The following CNTN3 variants were observed in gnomAD, a reference collection of about 807,000 sequenced individuals.
The protein encoded by CNTN3 is contactin 3, also known as contactin-3.
A neutral mutation model predicts 119.1 loss-of-function variants in CNTN3; 60 were observed. The ratio of observed to expected loss-of-function variants is 0.50; its 90% CI spans 0.41 to 0.62. The LOEUF (loss-of-function observed/expected upper bound fraction) is 0.62, where lower values mean the gene tolerates loss of function less well. Among genes scored for constraint, CNTN3 ranks in the 20% least tolerant of loss-of-function variants. The probability of loss-of-function intolerance (pLI) is 0.00; values close to 1 mark genes in which losing one functional copy is unlikely to be tolerated. For missense variants in CNTN3, 1,101 were observed against 1,242.4 expected, an observed-to-expected ratio of 0.89 and a Z score of 1.71; for synonymous variants, 450 against 438.7, an observed-to-expected ratio of 1.03 and a Z score of -0.32.
At chr3:74,476,161 T>C (rs933282952) in intron 4 of CNTN3, among the ~76,000 whole-genome samples, 2 of 152,124 alleles carry the variant, frequency 1.3e-5, no homozygotes, top group Non-Finnish European at 2.9e-5. Context: ...ATATATAAGG[T>C]GTCTTTAAAG....
intron 5 of CNTN3, among the ~76,000 whole-genome samples, chr3:74,421,565 T>C (rs570339681): frequency 6.6e-6 from 1 of 152,304 alleles, no homozygotes; most frequent in East Asian, 1.9e-4. Flanking sequence ...TGATTGTATC[T>C]TCAGTAATCA....
chr3:74,584,956 T>C (rs954267542), intron 1 of CNTN3, among the ~76,000 whole-genome samples: 6 of 152,252 alleles, frequency 3.9e-5, no homozygotes, highest in Non-Finnish European at 7.4e-5. Context: ...GATTGCAAGA[T>C]GGTTATAGAT....
intron 4 of CNTN3, among the ~76,000 whole-genome samples, chr3:74,465,210 C>G (rs921069790): frequency 6.6e-6 from 1 of 152,142 alleles, no homozygotes; most frequent in Non-Finnish European, 1.5e-5. Flanking sequence ...TGTAAGCTAA[C>G]TTCCAAAATT....
intron 4 of CNTN3, among the ~76,000 whole-genome samples, chr3:74,429,292 T>C (rs1701745761): frequency 6.6e-6 from 1 of 152,036 alleles, no homozygotes; most frequent in African/African-American, 2.4e-5. Context: ...ACATTGAGGC[T>C]TATAATATAG....
intron 1 of CNTN3, among the ~76,000 whole-genome samples, chr3:74,590,607 G>T (rs1362849690): frequency 6.6e-6 from 1 of 152,004 alleles, no homozygotes; most frequent in Non-Finnish European, 1.5e-5. Context: ...GGTCTTTAGA[G>T]GATACAGGCC....
At chr3:74,435,271 C>T (rs1575722164) in intron 4 of CNTN3, among the ~76,000 whole-genome samples, 1 of 152,166 alleles carries the variant, frequency 6.6e-6, no homozygotes, top group South Asian at 2.1e-4. Context: ...CCCTTCCAGG[C>T]TCCAGAGATT....
intron 1 of CNTN3, among the ~76,000 whole-genome samples, chr3:74,532,195 CAG>C (rs1362758208): frequency 4.0e-5 from 6 of 151,816 alleles, no homozygotes; most frequent in African/African-American, 1.5e-4. Flanking sequence ...ACCAGAGAAA[CAG>C]AAAGAATCAG....
At chr3:74,367,827 T>C (rs745988746) in intron 8 of CNTN3, among the ~76,000 whole-genome samples, 6 of 152,050 alleles carry the variant, frequency 3.9e-5, no homozygotes, top group Non-Finnish European at 8.8e-5. Context: ...TACTAAAACA[T>C]TAATACAGTT....
At chr3:74,319,155 G>GA (rs1702915453) in intron 13 of CNTN3, among the ~76,000 whole-genome samples, 1 of 151,996 alleles carries the variant, frequency 6.6e-6, no homozygotes, top group South Asian at 2.1e-4. Context: ...CACAGAATTG[G>GA]AAAAAACTAC....
chr3:74,267,315 C>T lies in CNTN3; in HGVS notation c.2768G>A (p.Trp923Ter). The change falls in exon 21 of 23, where the codon TGG becomes TAG. Residue 923 changes from tryptophan (W) to a stop codon, truncating the protein, a stop_gained. Transcript: ENST00000263665. LOFTEE classifies it high-confidence loss of function. ...ATTCTCCATGGCTTTAACTTGCTCCCAATTAAGTAACACTTTAGTGTCTGT... is the reference window on the plus strand; with the variant it reads ...ATTCTCCATGGCTTTAACTTGCTCCTAATTAAGTAACACTTTAGTGTCTGT... The part of the protein sequence containing the change: ...NATDTKVLLN[W>*]EQVKAMENES... 1 of 1,613,328 alleles carries T rather than the reference C, an allele frequency of 6.2e-7. No individual in the cohort carries two copies. The highest frequency in any genetic ancestry group is 1.1e-5 in the South Asian group (1 of 91,054).
At chr3:74,575,811 A>G (rs1704406221) in intron 1 of CNTN3, among the ~76,000 whole-genome samples, 1 of 151,976 alleles carries the variant, frequency 6.6e-6, no homozygotes. Flanking sequence ...CCAGTGATTT[A>G]CTATGAAGAT....
chr3:74,363,515 G>C (rs987481037), intron 10 of CNTN3, among the ~76,000 whole-genome samples: 1 of 152,096 alleles, frequency 6.6e-6, no homozygotes, highest in African/African-American at 2.4e-5. Flanking sequence ...GTCCCTGGTT[G>C]AGAAACACTG....
At chr3:74,350,036 C>T (rs1017000286) in intron 11 of CNTN3, among the ~76,000 whole-genome samples, 1 of 152,052 alleles carries the variant, frequency 6.6e-6, no homozygotes, top group Non-Finnish European at 1.5e-5. Context: ...ATCCATAAAA[C>T]CAAATTTGAA....
intron 5 of CNTN3, among the ~76,000 whole-genome samples, chr3:74,399,156 T>G (rs1003857804): frequency 3.3e-5 from 5 of 152,160 alleles, no homozygotes; most frequent in Non-Finnish European, 5.9e-5. Flanking sequence ...TAACTTTTAT[T>G]TTAAGTTCAG....
At chr3:74,364,332 G>T in intron 10 of CNTN3, 135 bp downstream of exon 10, 1 of 795,778 alleles carries the variant, frequency 1.3e-6, no homozygotes, top group Non-Finnish European at 1.9e-6. Flanking sequence ...ATTAGAAACT[G>T]AATGATCGTG....
chr3:74,548,728 T>C (rs998669027), intron 1 of CNTN3, among the ~76,000 whole-genome samples: 2 of 152,216 alleles, frequency 1.3e-5, no homozygotes, highest in Admixed American at 6.5e-5. Flanking sequence ...CATTATTCAA[T>C]GACCTGCTGT....
rs1575704438 is a variant in CNTN3 at position 74,295,359 on chromosome 3, C to T, written c.2402-123G>A. On this transcript the variant is annotated intron_variant, in intron 18 of 22. Transcript: ENST00000263665. ...TTGAAAATTGTATGAAATATTCTGGCACCATATGTTGAAAATAGAGACACT... is the reference window on the plus strand; with the variant it reads ...TTGAAAATTGTATGAAATATTCTGGTACCATATGTTGAAAATAGAGACACT... The T allele has an allele frequency of 7.0e-6, 4 of 570,332 alleles. No homozygotes were observed. In the South Asian group the frequency reaches 1.1e-4, roughly 15 times the overall value. 35.3% of individuals were successfully genotyped at this position (570,332 alleles called of 1,614,324 possible).
chr3:74,279,557 G>A (rs774289175), intron 20 of CNTN3, among the ~76,000 whole-genome samples: 57 of 151,860 alleles, frequency 3.8e-4, no homozygotes, highest in African/African-American at 1.3e-3. Context: ...ACCAAACATC[G>A]TATGTTCTCA....
At chr3:74,558,338 C>G (rs1575828657) in intron 1 of CNTN3, among the ~76,000 whole-genome samples, 1 of 152,160 alleles carries the variant, frequency 6.6e-6, no homozygotes, top group African/African-American at 2.4e-5. Context: ...ATATGCAGAT[C>G]TCTGTCTCAG....
Sources: allele counts gnomAD v4.1 joint callset (sites outside exome capture counted in the v4.1 genomes callset), GRCh38; gene constraint gnomAD v4.1.1; transcripts MANE v1.5; gene names NCBI Gene and HGNC (gene_info 2026-07-23, HGNC 2026-07-21).